Variants in ITSN2 observed in about 807,000 individuals in gnomAD.
ITSN2 encodes intersectin 2.
In ITSN2, 156 loss-of-function variants were observed where a neutral mutation model predicts 243.7. The observed-to-expected ratio is 0.64, with a 90% CI of 0.56 to 0.73. The LOEUF (loss-of-function observed/expected upper bound fraction) is 0.73. Among genes scored for constraint, ITSN2 ranks in the 30% least tolerant of loss-of-function variants. ITSN2 has a pLI of 0.00. For synonymous variants in ITSN2, 703 were observed against 699.9 expected (o/e 1.00, Z -0.07); for missense variants, 1,801 against 1,996.1 (o/e 0.90, Z 1.86).
At chr2:24,231,307 T>C (rs370401772) in intron 29 of ITSN2, among the ~76,000 whole-genome samples, 1 of 152,194 alleles carries the variant, frequency 6.6e-6, no homozygotes, top group Non-Finnish European at 1.5e-5. Flanking sequence ...ACATCCCCAG[T>C]GTCTGACACA....
intron 15 of ITSN2, among the ~76,000 whole-genome samples, chr2:24,290,972 ATT>A (rs1342928803): frequency 6.6e-6 from 1 of 152,152 alleles, no homozygotes; most frequent in Non-Finnish European, 1.5e-5. Flanking sequence ...TTCTAGATGA[ATT>A]TGTCAGTTAT....
intron 37 of ITSN2, chr2:24,206,293 T>C (rs1307564102): frequency 7.0e-6 from 3 of 429,722 alleles, no homozygotes; most frequent in South Asian, 3.5e-5. Flanking sequence ...AAAAAACACA[T>C]AAAGAGCTGC....
chr2:24,307,130 TAGG>T (rs1053346234), intron 8 of ITSN2, among the ~76,000 whole-genome samples: 2 of 152,130 alleles, frequency 1.3e-5, no homozygotes, highest in African/African-American at 4.8e-5. Context: ...ATGCAAAATG[TAGG>T]GTACAAAGAA....
Position 24,329,576 on chromosome 2 carries a change from A to C in ITSN2, c.-33-1461T>G, listed in dbSNP as rs563662608. Among the ~76,000 whole-genome samples, 1,002 of 152,250 alleles carry C rather than the reference A, an allele frequency of 6.6e-3. 12 individuals are homozygous for C. Among genetic ancestry groups the C allele is most frequent in the Non-Finnish European group, 0.01 (708 of 68,010 alleles). On this transcript the variant is annotated intron_variant, in intron 1 of 39. Transcript: ENST00000355123. Reference sequence around the variant, plus strand: ...GCCACTGTGTCCTGCCCGTTCCATGAATTTTGAGAGTAGGACCAGTTAGGA... The same window carrying C: ...GCCACTGTGTCCTGCCCGTTCCATGCATTTTGAGAGTAGGACCAGTTAGGA...
Position 24,335,848 on chromosome 2 carries a change from G to T in ITSN2, c.-33-7733C>A, listed in dbSNP as rs944014023. ...GGACGGGGTTTCGCCATGTTGGCCAGGCTGGTCTCAAACTCCTGACCTCAG... is the reference window on the plus strand; with the variant it reads ...GGACGGGGTTTCGCCATGTTGGCCATGCTGGTCTCAAACTCCTGACCTCAG... On this transcript the variant is annotated intron_variant, in intron 1 of 39. Coordinates refer to ENST00000355123, the MANE Select transcript of ITSN2 (RefSeq NM_006277.3). 3.3e-5 allele frequency among the ~76,000 whole-genome samples: 5 copies of T among 151,498 alleles called. No individual in the cohort carries two copies. The South Asian group carries it at 8.3e-4, about 25-fold the overall frequency.
intron 36 of ITSN2, 50 bp from the exon 37 acceptor site, chr2:24,208,369 C>T: frequency 7.3e-7 from 1 of 1,361,496 alleles, no homozygotes; most frequent in Non-Finnish European, 1.0e-6. Context: ...CCTCACAGGT[C>T]AGCGTGGAGC....
At chr2:24,285,279 T>C (rs1679353645) in intron 16 of ITSN2, among the ~76,000 whole-genome samples, 2 of 152,216 alleles carry the variant, frequency 1.3e-5, no homozygotes, top group African/African-American at 4.8e-5. Flanking sequence ...TGGTTTTCTA[T>C]AAAATTTTTT....
At chr2:24,230,561 A>T (rs926794136) in intron 29 of ITSN2, among the ~76,000 whole-genome samples, 2 of 152,154 alleles carry the variant, frequency 1.3e-5, no homozygotes, top group African/African-American at 4.8e-5. Context: ...TGAGGTCAAG[A>T]GTTGGAGACC....
chr2:24,326,117 T>C (rs1284225414), intron 2 of ITSN2, among the ~76,000 whole-genome samples: 2 of 152,214 alleles, frequency 1.3e-5, no homozygotes, highest in Non-Finnish European at 2.9e-5. Flanking sequence ...TTAAATTAGA[T>C]ATGTCTAAGT....
chr2:24,254,316 G>T, intron 24 of ITSN2, 51 bp downstream of exon 24: 3 of 1,193,840 alleles, frequency 2.5e-6, no homozygotes, highest in Non-Finnish European at 3.8e-6. Context: ...CAGGTAGTTA[G>T]TCAAGAGCTA....
Position 24,211,002 on chromosome 2 carries a change from C to A in ITSN2, c.4090-55G>T. The A allele has an allele frequency of 1.3e-6, 2 of 1,571,920 alleles. No homozygotes were observed. The highest frequency in any genetic ancestry group is 4.5e-5 in the East Asian group (2 of 44,494). On this transcript the variant is annotated intron_variant, in intron 33 of 39. Coordinates refer to ENST00000355123, the MANE Select transcript of ITSN2 (RefSeq NM_006277.3). The surrounding 1 kb of genome is among the most constrained non-coding windows in gnomAD (Gnocchi z 4.1). ...GGAGCTGCGTCTCTCACCTGCCCAC[C>A]TGGACCTTCGCAGGACCGCTCCTCC...
At chr2:24,348,296 T>A (rs1275183012) in intron 1 of ITSN2, among the ~76,000 whole-genome samples, 1 of 142,402 alleles carries the variant, frequency 7.0e-6, no homozygotes, top group Non-Finnish European at 1.5e-5. Flanking sequence ...TGCCTCAGCC[T>A]CCCAAGTAGC....
At chr2:24,279,068 C>G (rs1475849699) in intron 17 of ITSN2, among the ~76,000 whole-genome samples, 1 of 152,160 alleles carries the variant, frequency 6.6e-6, no homozygotes, top group African/African-American at 2.4e-5. Flanking sequence ...TAAATTTTAT[C>G]AAAAACCTTT....
At chr2:24,264,466 C>T (rs1245789691) in intron 20 of ITSN2, among the ~76,000 whole-genome samples, 1 of 151,588 alleles carries the variant, frequency 6.6e-6, no homozygotes, top group African/African-American at 2.4e-5. Context: ...CTTTGAGTAA[C>T]CCGAAGTTGT....
chr2:24,343,255 A>C (rs1687215505), intron 1 of ITSN2, among the ~76,000 whole-genome samples: 1 of 152,158 alleles, frequency 6.6e-6, no homozygotes, highest in Non-Finnish European at 1.5e-5. Flanking sequence ...ATATAATAGA[A>C]AGTGAAAGTC....
intron 1 of ITSN2, among the ~76,000 whole-genome samples, chr2:24,346,455 G>A (rs888540123): frequency 6.6e-6 from 1 of 152,160 alleles, no homozygotes; most frequent in Non-Finnish European, 1.5e-5. Context: ...CTAAGGAACT[G>A]TCACAACTAA....
chr2:24,254,303 A>G lies in ITSN2; in HGVS notation c.2953+64T>C, dbSNP rs1674740961. The stretch of plus-strand genomic sequence containing the variant: ...TATGTGAAGAACAGCAACTATGTGA[A>G]GTCAGGTAGTTAGTCAAGAGCTAAA... On this transcript the variant is annotated intron_variant, in intron 24 of 39. Coordinates refer to ENST00000355123, the MANE Select transcript of ITSN2 (RefSeq NM_006277.3). The G allele has an allele frequency of 3.9e-6, 4 of 1,016,524 alleles. No individual in the cohort carries two copies. The South Asian group carries it at 5.1e-5, about 13-fold the overall frequency. 63.0% of individuals were successfully genotyped at this position (1,016,524 alleles called of 1,614,324 possible). A position where few individuals can be genotyped will look rare whatever the true frequency, so the allele number is the denominator to read the frequency against.
At chr2:24,319,627 C>T (rs1684316591) in intron 2 of ITSN2, among the ~76,000 whole-genome samples, 1 of 152,180 alleles carries the variant, frequency 6.6e-6, no homozygotes, top group Non-Finnish European at 1.5e-5. Flanking sequence ...GCAATCCCTC[C>T]AAAAACAAGG....
intron 1 of ITSN2, chr2:24,330,365 T>C (rs1275779896): frequency 1.1e-5 from 6 of 531,404 alleles, no homozygotes; most frequent in Non-Finnish European, 2.2e-5. Context: ...CTGCATCCTG[T>C]GCCAAGTGCT....
Sources: gnomAD v4.1 joint callset for allele counts (sites outside exome capture counted in the v4.1 genomes callset) on GRCh38, gnomAD v4.1.1 for gene constraint, Gnocchi (gnomAD v3.1) non-coding constraint, MANE v1.5 for transcripts, NCBI Gene and HGNC (gene_info 2026-07-23, HGNC 2026-07-21) for gene names.